The following ABCA12 variants were observed in gnomAD, a reference collection of about 807,000 sequenced individuals.
ABCA12 encodes glucosylceramide transporter ABCA12.
A neutral mutation model predicts 293.5 loss-of-function variants in ABCA12; 156 were observed. That is an observed-to-expected ratio of 0.53 (90% CI 0.47 to 0.61). ABCA12 has a LOEUF of 0.61. Among genes scored for constraint, ABCA12 ranks in the 20% least tolerant of loss-of-function variants. ABCA12 has a pLI of 0.00. For synonymous variants in ABCA12, 1,063 were observed against 1,108.0 expected (o/e 0.96, Z 0.81); for missense variants, 2,797 against 3,090.2 (o/e 0.91, Z 2.25).
At chr2:214,937,474 A>G (rs1559100150) in intron 51 of ABCA12, 36 bp downstream of exon 51, 1 of 1,534,398 alleles carries the variant, frequency 6.5e-7, no homozygotes, top group East Asian at 2.3e-5. Context: ...CTGGGATTAC[A>G]GGCGTGAGCC....
intron 1 of ABCA12, 72 bp from the exon 2 acceptor site, chr2:215,111,762 A>T (rs1193539524): frequency 9.4e-7 from 1 of 1,064,110 alleles, no homozygotes; most frequent in African/African-American, 1.6e-5. Context: ...TGACTACAAA[A>T]AGTATGTCAT....
At chr2:214,972,498 G>A (rs1041585167) in intron 36 of ABCA12, among the ~76,000 whole-genome samples, 10 of 151,596 alleles carry the variant, frequency 6.6e-5, no homozygotes, top group African/African-American at 1.9e-4. Flanking sequence ...CCTTGACCCC[G>A]TGGGCTCAAG....
chr2:215,088,488 T>A (rs541849485), intron 2 of ABCA12, among the ~76,000 whole-genome samples: 1 of 152,360 alleles, frequency 6.6e-6, no homozygotes, highest in East Asian at 1.9e-4. Context: ...TTAAATGTGT[T>A]GAAAATGTGT....
Position 215,011,474 on chromosome 2 carries a change from T to C in ABCA12, c.2297A>G (p.Gln766Arg). The change falls in exon 17 of 53, where the codon CAA (glutamine) becomes CGA (arginine). Residue 766 changes from glutamine (Q) to arginine (R), a missense_variant. Around this residue, in one of 3 missense-constraint regions of ABCA12, gnomAD observed 2,130 missense variants for 2,427.0 expected, o/e 0.88. Transcript: ENST00000272895. ...DFLTYKLTKE[Q>R]IASKYGIPIN... ...GGGAATTCCATATTTTGAAGCAATT[T>C]GCTCTTTAGTTAATTTATAAGTCAA... 2 of 1,614,012 alleles carry C rather than the reference T, an allele frequency of 1.2e-6. No individual in the cohort carries two copies. The highest frequency in any genetic ancestry group is 1.7e-6 in the Non-Finnish European group (2 of 1,179,886).
At position 215,019,657 on chromosome 2, in the gene ABCA12, G is replaced by A. The variant is rs370640837; in HGVS notation, c.1427C>T (p.Ala476Val). Residue 476 changes from alanine (A) to valine (V), a missense_variant, in exon 12 of 53, where the codon GCG becomes GTG. This residue lies in a region of ABCA12 where 656 missense variants were observed against 638.2 expected (regional missense o/e 1.03). Coordinates refer to ENST00000272895, the MANE Select transcript of ABCA12 (RefSeq NM_173076.3). ...ESEFDLQLLE[A>V]AELGTEIAAS... ...TGCTATTTCGGTGCCCAGCTCTGCC[G>A]CTTCGAGGAGTTGCAGATCAAACTC... 249 of 1,614,052 alleles carry A rather than the reference G, an allele frequency of 1.5e-4. 1 individual carries two copies. Among genetic ancestry groups the A allele is most frequent in the East Asian group, 6.0e-4 (27 of 44,870 alleles).
rs1234727047 is a variant in ABCA12, at chr2:214,932,264, C to CTT, written c.*368_*369dup. On this transcript the variant is annotated 3_prime_UTR_variant, in exon 53 of 53. Coordinates refer to ENST00000272895, the MANE Select transcript of ABCA12 (RefSeq NM_173076.3). Reference sequence around the variant, plus strand: ...GTGGCACCTGCCACAAACCATCTGACTTTTCTTCTCCACTCTTATATTTCA... The same window carrying CTT: ...GTGGCACCTGCCACAAACCATCTGACTTTTTTCTTCTCCACTCTTATATTTCA... 1 of 244,332 alleles carries CTT rather than the reference C, an allele frequency of 4.1e-6. No individual in the cohort carries two copies. The highest frequency in any genetic ancestry group is 2.3e-5 in the African/African-American group (1 of 43,158). 15.1% of individuals were successfully genotyped at this position (244,332 alleles called of 1,614,324 possible).
intron 23 of ABCA12, among the ~76,000 whole-genome samples, chr2:214,993,456 A>G (rs907959637): frequency 6.6e-5 from 10 of 152,226 alleles, no homozygotes; most frequent in African/African-American, 2.4e-4. Context: ...TGAAAAAATT[A>G]CTGTGTCATG....
chr2:215,002,752 T>A (rs563413935), intron 20 of ABCA12, among the ~76,000 whole-genome samples: 1 of 152,300 alleles, frequency 6.6e-6, no homozygotes, highest in East Asian at 1.9e-4. Flanking sequence ...TATTTAGAAA[T>A]TCTGGTAGAC....
chr2:215,133,149 ATTTTTTTTTTTTTTTTTTT>A (rs55641331), intron 1 of ABCA12, among the ~76,000 whole-genome samples: 11 of 34,832 alleles, frequency 3.2e-4, no homozygotes, highest in East Asian at 3.2e-3. Context: ...GCTGGCTTTA[ATTTTTTTTTTTTTTTTTTT>A]TTTTTTTTTT....
At chr2:215,100,742 T>C (rs1426315222) in intron 2 of ABCA12, among the ~76,000 whole-genome samples, 1 of 152,198 alleles carries the variant, frequency 6.6e-6, no homozygotes, top group African/African-American at 2.4e-5. Context: ...CACATCCTTG[T>C]AGAATATAAA....
chr2:215,087,098 A>G (rs977984098), intron 2 of ABCA12, among the ~76,000 whole-genome samples: 2 of 152,030 alleles, frequency 1.3e-5, no homozygotes, highest in South Asian at 2.1e-4. Context: ...ATGCACCACC[A>G]AGGTCAGCTA....
At chr2:214,976,368 C>T (rs961257424) in intron 33 of ABCA12, among the ~76,000 whole-genome samples, 24 of 152,176 alleles carry the variant, frequency 1.6e-4, no homozygotes, top group African/African-American at 5.5e-4. Flanking sequence ...ATATTGACCT[C>T]AAACCCTAAA....
intron 19 of ABCA12, among the ~76,000 whole-genome samples, chr2:215,005,865 A>T (rs1001075672): frequency 1.3e-5 from 2 of 152,190 alleles, no homozygotes; most frequent in African/African-American, 2.4e-5. Context: ...AAAACACCAA[A>T]TGCTTCCACA....
chr2:215,118,140 G>A (rs942742577), intron 1 of ABCA12, among the ~76,000 whole-genome samples: 5 of 152,198 alleles, frequency 3.3e-5, no homozygotes, highest in Admixed American at 1.3e-4. Context: ...GGTGGCTAAT[G>A]CCTGTAATCC....
At chr2:215,034,926 T>C (rs749377791) in intron 8 of ABCA12, among the ~76,000 whole-genome samples, 1 of 152,198 alleles carries the variant, frequency 6.6e-6, no homozygotes, top group African/African-American at 2.4e-5. Context: ...TGCTATGAGA[T>C]ACCACCCCAC....
chr2:215,051,526 TTAA>T (rs1701319811), intron 5 of ABCA12, among the ~76,000 whole-genome samples: 1 of 151,916 alleles, frequency 6.6e-6, no homozygotes, highest in African/African-American at 2.4e-5. Flanking sequence ...TACTGGAATG[TTAA>T]TAAATGTTAA....
chr2:215,119,734 T>TAA (rs386654995), intron 1 of ABCA12, among the ~76,000 whole-genome samples: 143 of 75,590 alleles, frequency 1.9e-3, no homozygotes, highest in African/African-American at 4.8e-3. Context: ...CATTAAAAAG[T>TAA]AAAAAAAAAA....
At chr2:214,944,405 C>T (rs1397448831) in intron 49 of ABCA12, among the ~76,000 whole-genome samples, 2 of 148,994 alleles carry the variant, frequency 1.3e-5, no homozygotes, top group East Asian at 3.9e-4. Flanking sequence ...GAGTAAGACT[C>T]TGTCTAAATA....
chr2:215,006,589 C>A (rs1188122193), intron 19 of ABCA12, among the ~76,000 whole-genome samples: 2 of 152,078 alleles, frequency 1.3e-5, no homozygotes, highest in African/African-American at 4.8e-5. Flanking sequence ...CATCTCATAT[C>A]ATATAATATC....
Sources: gnomAD v4.1 joint callset for allele counts (sites outside exome capture counted in the v4.1 genomes callset) on GRCh38, gnomAD v4.1.1 for gene constraint, gnomAD v4.1.1 regional missense constraint, MANE v1.5 for transcripts, NCBI Gene and HGNC (gene_info 2026-07-23, HGNC 2026-07-21) for gene names.